NRDC: variants seen among roughly 807,000 people sequenced by gnomAD.
The protein encoded by NRDC is nardilysin convertase, also known as nardilysin.
Under a neutral mutation model 147.1 loss-of-function variants are expected in NRDC, and 54 were observed. The ratio of observed to expected loss-of-function variants is 0.37; its 90% CI spans 0.29 to 0.46. The LOEUF is 0.46. Among genes scored for constraint, NRDC ranks in the 20% least tolerant of loss-of-function variants. NRDC has a pLI of 1.00. For synonymous variants in NRDC, 440 were observed against 482.1 expected, an observed-to-expected ratio of 0.91 and a Z score of 1.14; for missense variants, 1,082 against 1,370.6, an observed-to-expected ratio of 0.79 and a Z score of 3.33.
At chr1:51,876,899 C>A (rs1683354977) in intron 1 of NRDC, among the ~76,000 whole-genome samples, 1 of 152,166 alleles carries the variant, frequency 6.6e-6, no homozygotes, top group Non-Finnish European at 1.5e-5. Context: ...TGTAAAAAAT[C>A]GGCAAACGGG....
rs748128469 is a variant in NRDC, at chr1:51,823,709, G to A, written c.1114C>T (p.Arg372Cys). The A allele has an allele frequency of 7.5e-6, 12 of 1,605,868 alleles. No homozygotes were observed. The South Asian group carries it at 7.7e-5, about 10-fold the overall frequency. Residue 372 changes from arginine to cysteine, a missense_variant, in exon 7 of 31, where the codon CGT becomes TGT. Arg to Cys is a radical substitution (Grantham distance 180). Transcript: ENST00000352171. ...THARLREFWMRYYSSHYMTLV... is the reference protein window; with the variant it reads ...THARLREFWMCYYSSHYMTLV... ...GTCATGTAATGAGAAGAGTAGTAAC[G>A]CATCCAGAATTCTCTCAATCTAGCA...
chr1:51,811,819 A>G (rs1338066268), intron 15 of NRDC, among the ~76,000 whole-genome samples, 175 bp downstream of exon 15: 1 of 152,236 alleles, frequency 6.6e-6, no homozygotes, highest in African/African-American at 2.4e-5. Context: ...TTAATTATGT[A>G]AAAGAACCAT....
chr1:51,814,419 GTC>G lies in NRDC; in HGVS notation c.1619+130_1619+131del, dbSNP rs1679866380. 5 of 772,534 alleles carry G rather than the reference GTC, an allele frequency of 6.5e-6. 1 individual carries two copies. The highest frequency in any genetic ancestry group is 1.1e-5 in the Non-Finnish European group (5 of 470,024). 47.9% of individuals were successfully genotyped at this position (772,534 alleles called of 1,614,324 possible). ...ACATGTAGAGGGATAAGGATATGGA[GTC>G]AATAAAGGAAATAGAGCAGAAAATG... On this transcript the variant is annotated intron_variant, in intron 13 of 30. Transcript: ENST00000352171.
At chr1:51,877,541 T>G (rs1683393188) in intron 1 of NRDC, among the ~76,000 whole-genome samples, 1 of 142,466 alleles carries the variant, frequency 7.0e-6, no homozygotes, top group South Asian at 2.3e-4. Flanking sequence ...TACATCATAG[T>G]CATGATACTC....
intron 9 of NRDC, 53 bp from the exon 10 acceptor site, chr1:51,818,188 T>C: frequency 8.5e-7 from 1 of 1,175,646 alleles, no homozygotes; most frequent in East Asian, 2.5e-5. Flanking sequence ...TCTATGACTT[T>C]TACTACAAGA....
intron 1 of NRDC, among the ~76,000 whole-genome samples, chr1:51,858,316 C>A (rs1325719929): frequency 6.6e-6 from 1 of 151,862 alleles, no homozygotes; most frequent in Admixed American, 6.6e-5. Context: ...CTCCTCTCTA[C>A]AAAAAATTAA....
chr1:51,789,955 A>C, intron 29 of NRDC: 1 of 379,058 alleles, frequency 2.6e-6, no homozygotes. Context: ...TCCCAATTAC[A>C]TGGTAGCTGC....
chr1:51,856,864 C>G (rs1308963555), intron 1 of NRDC, among the ~76,000 whole-genome samples: 2 of 152,150 alleles, frequency 1.3e-5, no homozygotes, highest in Non-Finnish European at 2.9e-5. Flanking sequence ...TTCCTGAGGC[C>G]TGCCCATGAG....
chr1:51,834,206 G>A (rs1027682862), intron 3 of NRDC, 36 bp from the exon 4 acceptor site: 2 of 1,600,314 alleles, frequency 1.2e-6, no homozygotes, highest in Non-Finnish European at 1.7e-6. Context: ...ACAACACAAA[G>A]ATATAGAAAA....
intron 20 of NRDC, among the ~76,000 whole-genome samples, chr1:51,802,370 C>CAT (rs1191409051): frequency 3.3e-5 from 5 of 152,020 alleles, no homozygotes; most frequent in African/African-American, 1.2e-4. Flanking sequence ...TACATACATA[C>CAT]ATATATATAT....
chr1:51,878,087 T>G, intron 1 of NRDC, 188 bp downstream of exon 1: 1 of 1,418,550 alleles, frequency 7.0e-7, no homozygotes, highest in South Asian at 1.6e-5. Flanking sequence ...ACCCAAGATC[T>G]CCCACTTGCC....
chr1:51,856,442 C>G (rs1011648377), intron 1 of NRDC, among the ~76,000 whole-genome samples: 1 of 152,138 alleles, frequency 6.6e-6, no homozygotes, highest in Non-Finnish European at 1.5e-5. Flanking sequence ...TCTGACTTAC[C>G]GGCTTTCAAG....
intron 4 of NRDC, among the ~76,000 whole-genome samples, chr1:51,833,540 AC>A (rs1680812988): frequency 6.6e-6 from 1 of 152,132 alleles, no homozygotes; most frequent in Non-Finnish European, 1.5e-5. Context: ...AATCTTTAAT[AC>A]AAAGACTATA....
intron 1 of NRDC, among the ~76,000 whole-genome samples, chr1:51,857,059 G>A (rs1294901684): frequency 6.6e-6 from 1 of 152,170 alleles, no homozygotes; most frequent in East Asian, 1.9e-4. Context: ...TTACAAGACA[G>A]GAACAGTGGA....
chr1:51,853,110 G>A (rs1682059521), intron 1 of NRDC, among the ~76,000 whole-genome samples: 1 of 151,910 alleles, frequency 6.6e-6, no homozygotes, highest in Admixed American at 6.6e-5. Context: ...TGTAATCTCA[G>A]CTACTCGGAA....
intron 1 of NRDC, among the ~76,000 whole-genome samples, chr1:51,877,233 GATAGT>G (rs1683375150): frequency 6.6e-6 from 1 of 152,116 alleles, no homozygotes; most frequent in African/African-American, 2.4e-5. Context: ...TTTGGTGTCA[GATAGT>G]AGGGGTCATC....
intron 10 of NRDC, among the ~76,000 whole-genome samples, chr1:51,817,807 T>G (rs1680040156): frequency 6.6e-6 from 1 of 152,160 alleles, no homozygotes; most frequent in African/African-American, 2.4e-5. Context: ...CGAAACAAAT[T>G]ACAAAAGTTA....
chr1:51,819,210 G>A (rs1680105181), intron 9 of NRDC, among the ~76,000 whole-genome samples: 2 of 151,738 alleles, frequency 1.3e-5, no homozygotes, highest in Non-Finnish European at 2.9e-5. Flanking sequence ...GCTGAGGCAG[G>A]AGAATCGCTT....
At chr1:51,794,947 C>T in intron 22 of NRDC, 93 bp from the exon 23 acceptor site, 1 of 1,584,208 alleles carries the variant, frequency 6.3e-7, no homozygotes, top group Non-Finnish European at 8.6e-7. Flanking sequence ...GCTTGGGGAG[C>T]CCTGCATAGC....
Sources: allele counts gnomAD v4.1 joint callset (sites outside exome capture counted in the v4.1 genomes callset), GRCh38; gene constraint gnomAD v4.1.1; transcripts MANE v1.5; gene names NCBI Gene and HGNC (gene_info 2026-07-23, HGNC 2026-07-21).